SCARB1: variants seen among roughly 807,000 people sequenced by gnomAD.
The protein encoded by SCARB1 is CD36 and LIMPII analogous 1.
Under a neutral mutation model 57.2 loss-of-function variants are expected in SCARB1, and 30 were observed. The ratio of observed to expected loss-of-function variants is 0.52; its 90% CI spans 0.39 to 0.71. SCARB1 has a LOEUF of 0.71. SCARB1 is among the 30% of genes least tolerant of loss of function. The probability of loss-of-function intolerance (pLI) is 0.00; values close to 1 mark genes in which losing one functional copy is unlikely to be tolerated. For synonymous variants in SCARB1, 249 were observed against 268.3 expected (o/e 0.93, Z 0.70); for missense variants, 543 against 671.2 (o/e 0.81, Z 2.11).
At chr12:124,840,895 G>A (rs569632032) in intron 1 of SCARB1, among the ~76,000 whole-genome samples, 29 of 152,198 alleles carry the variant, frequency 1.9e-4, no homozygotes, top group Non-Finnish European at 2.6e-4. Context: ...CAGGCTGGGC[G>A]TGGTGGCTCA....
intron 1 of SCARB1, among the ~76,000 whole-genome samples, chr12:124,819,620 C>T (rs1314426112): frequency 1.3e-5 from 2 of 152,296 alleles, no homozygotes; most frequent in South Asian, 2.1e-4. Context: ...CGTCAGAGCC[C>T]GGCAGGAGTG....
Position 124,812,469 on chromosome 12 carries a change from C to T in SCARB1, c.631-504G>A, listed in dbSNP as rs1017521404. 2.0e-5 allele frequency among the ~76,000 whole-genome samples: 3 copies of T among 152,216 alleles called. No individual in the cohort carries two copies. Among genetic ancestry groups the T allele is most frequent in the Non-Finnish European group, 4.4e-5 (3 of 68,036 alleles). ...ACCACAAGCGCGGGTGCCCCAGTCA[C>T]CCACACTGGACGTGGAGTGCAAGCA... On this transcript the variant is annotated intron_variant, in intron 4 of 12. Transcript: ENST00000261693. The surrounding 1 kb of genome is among the most constrained non-coding windows in gnomAD (Gnocchi z 4.3).
At position 124,817,540 on chromosome 12, in the gene SCARB1, A is replaced by G. The variant is rs1248871939; in HGVS notation, c.284+10T>C. ...CCGGCCCCTCCACCCTCACCTGGAC[A>G]CAGCCTCACCTGTACACGTAGGGCC... is the stretch of plus-strand genomic sequence containing the variant. On this transcript the variant is annotated intron_variant, in intron 2 of 12. Coordinates refer to ENST00000261693, the MANE Select transcript of SCARB1 (RefSeq NM_005505.5). This position sits in a 1 kb window ranked among gnomAD's most constrained non-coding sequence, Gnocchi z 4.8. 2 of 1,613,324 alleles carry G rather than the reference A, an allele frequency of 1.2e-6. No individual in the cohort carries two copies. The highest frequency in any genetic ancestry group is 1.1e-5 in the South Asian group (1 of 91,078).
At position 124,817,450 on chromosome 12, in the gene SCARB1, CTG is replaced by C; in HGVS notation, c.284+98_284+99del. The C allele has an allele frequency of 8.3e-7, 1 of 1,198,112 alleles. No individual in the cohort carries two copies. The highest frequency in any genetic ancestry group is 1.2e-5 in the South Asian group (1 of 80,020). 74.2% of individuals were successfully genotyped at this position (1,198,112 alleles called of 1,614,324 possible). A position where few individuals can be genotyped will look rare whatever the true frequency, so the allele number is the denominator to read the frequency against. On this transcript the variant is annotated intron_variant, in intron 2 of 12. Transcript: ENST00000261693. The surrounding 1 kb of genome is among the most constrained non-coding windows in gnomAD (Gnocchi z 4.8). ...GACTTGCCTGCTTCCGGAACAATCT[CTG>C]GGGCTCAGTCAGCAGCCTCCCCATC... is the stretch of plus-strand genomic sequence containing the variant.
chr12:124,822,429 CACA>C lies in SCARB1; in HGVS notation c.127-4725_127-4723del, dbSNP rs1232947434. Among the ~76,000 whole-genome samples, 4 of 152,190 alleles carry C rather than the reference CACA, an allele frequency of 2.6e-5. No homozygotes were observed. Among genetic ancestry groups the C allele is most frequent in the Admixed American group, 1.3e-4 (2 of 15,270 alleles). On this transcript the variant is annotated intron_variant, in intron 1 of 12. Coordinates refer to ENST00000261693, the MANE Select transcript of SCARB1 (RefSeq NM_005505.5). This position sits in a 1 kb window ranked among gnomAD's most constrained non-coding sequence, Gnocchi z 5.0. Reference sequence around the variant, plus strand: ...AAAAAAGAAAAGAAGAATCATACTACACAACACCATTTCCGCGACATCGGGGAA... The same window carrying C: ...AAAAAAGAAAAGAAGAATCATACTACACACCATTTCCGCGACATCGGGGAA...
chr12:124,801,717 T>C (rs1405211975), intron 7 of SCARB1, among the ~76,000 whole-genome samples: 1 of 150,500 alleles, frequency 6.6e-6, no homozygotes, highest in Non-Finnish European at 1.5e-5. Flanking sequence ...GCGGCAGAGG[T>C]TGCGGAGGCT....
intron 7 of SCARB1, among the ~76,000 whole-genome samples, chr12:124,802,163 A>AAAG (rs1395123850): frequency 4.3e-4 from 65 of 152,134 alleles, no homozygotes; most frequent in African/African-American, 1.5e-3. Flanking sequence ...AAAAAAAAAA[A>AAAG]AAGACATAGT....
At position 124,831,059 on chromosome 12, in the gene SCARB1, T is replaced by C. The variant is rs186359837; in HGVS notation, c.127-13352A>G. Among the ~76,000 whole-genome samples the C allele has an allele frequency of 6.7e-3, 1,008 of 151,358 alleles. 13 individuals are homozygous for C. Among genetic ancestry groups the C allele is most frequent in the African/African-American group, 0.023 (955 of 41,098 alleles). On this transcript the variant is annotated intron_variant, in intron 1 of 12. Transcript: ENST00000261693. Reference sequence around the variant, plus strand: ...GGCGCGATCTCGGCTCACTGCAACCTCTGCCTCCCGGGTTCAAGCAATTCT... The same window carrying C: ...GGCGCGATCTCGGCTCACTGCAACCCCTGCCTCCCGGGTTCAAGCAATTCT...
intron 1 of SCARB1, among the ~76,000 whole-genome samples, chr12:124,830,865 T>C (rs1339742491): frequency 2.0e-5 from 3 of 152,052 alleles, no homozygotes; most frequent in African/African-American, 7.2e-5. Context: ...CAGGCTGGAG[T>C]GCAGTGGTGT....
chr12:124,795,239 C>T lies in SCARB1; in HGVS notation c.1158G>A (p.Val386=), dbSNP rs199829257. The T allele has an allele frequency of 7.4e-6, 12 of 1,614,034 alleles. No homozygotes were observed. The East Asian group carries it at 2.7e-4, about 36-fold the overall frequency. The change falls in exon 9 of 13, where the codon GTG becomes GTA. Residue 386 remains valine, a synonymous_variant. Coordinates refer to ENST00000261693, the MANE Select transcript of SCARB1 (RefSeq NM_005505.5). ...TCATGTAGAGGCTCAGCTGCAGTTT[C>T]ACAGAGCAGTTCATGGGGATTCCCG... ...PVTGIPMNCS[V]KLQLSLYMKS... is the part of the protein sequence containing the mutation.
intron 8 of SCARB1, among the ~76,000 whole-genome samples, 160 bp from the exon 9 acceptor site, chr12:124,795,428 G>C (rs868291153): frequency 1.3e-5 from 2 of 151,830 alleles, no homozygotes; most frequent in South Asian, 2.1e-4. Context: ...GGCTGGGGGG[G>C]GTCAACAGTT....
At chr12:124,849,978 C>A (rs1211625479) in intron 1 of SCARB1, among the ~76,000 whole-genome samples, 1 of 125,914 alleles carries the variant, frequency 7.9e-6, no homozygotes, top group Non-Finnish European at 1.8e-5. Context: ...GTAGGAGGAT[C>A]GATTGAGCCT....
intron 1 of SCARB1, among the ~76,000 whole-genome samples, chr12:124,832,156 A>G (rs1249412817): frequency 6.6e-6 from 1 of 152,248 alleles, no homozygotes. Flanking sequence ...TTAAGATGTT[A>G]ATAGCAGGGG....
chr12:124,857,395 C>T (rs1388807694), intron 1 of SCARB1, among the ~76,000 whole-genome samples: 2 of 152,208 alleles, frequency 1.3e-5, no homozygotes, highest in African/African-American at 4.8e-5. Context: ...ACAAAGATTT[C>T]CCAAAAGGCA....
At chr12:124,855,673 G>A (rs369170015) in intron 1 of SCARB1, among the ~76,000 whole-genome samples, 29 of 152,224 alleles carry the variant, frequency 1.9e-4, no homozygotes, top group African/African-American at 3.9e-4. Context: ...AGCTGCCAGC[G>A]CCTCCTGGAG....
In SCARB1 at chr12:124,817,353, T is replaced by TA. The variant is rs60063887; in HGVS notation, c.284+196dup. On this transcript the variant is annotated intron_variant, in intron 2 of 12. Transcript: ENST00000261693. The surrounding 1 kb of genome is among the most constrained non-coding windows in gnomAD (Gnocchi z 4.8). ...GGGCAACATAGCAAGATCCCATCTCTAAAAAAAAAAAAAAAAAAAAAAAAA... is the reference window on the plus strand; with the variant it reads ...GGGCAACATAGCAAGATCCCATCTCTAAAAAAAAAAAAAAAAAAAAAAAAAA... 0.063 allele frequency among the ~76,000 whole-genome samples: 4,351 copies of TA among 68,720 alleles called. 395 individuals are homozygous for TA. Among genetic ancestry groups the TA allele is most frequent in the East Asian group, 0.34 (593 of 1,766 alleles). The allele number at this position is 68,720 out of a possible 152,430, so 45.1% of individuals were successfully genotyped here.
chr12:124,780,294 C>T (rs1009791430), intron 12 of SCARB1, among the ~76,000 whole-genome samples: 2 of 152,244 alleles, frequency 1.3e-5, no homozygotes, highest in Non-Finnish European at 1.5e-5. Flanking sequence ...AGTGGACACA[C>T]AGTTTACCAA....
chr12:124,846,659 G>C (rs1233121134), intron 1 of SCARB1, among the ~76,000 whole-genome samples: 3 of 149,800 alleles, frequency 2.0e-5, no homozygotes, highest in Non-Finnish European at 3.0e-5. Flanking sequence ...TGAACCCGGG[G>C]GGCAGAAGTT....
Position 124,815,104 on chromosome 12 carries a change from G to C in SCARB1, c.295C>G (p.His99Asp), listed in dbSNP as rs199731725. 2 of 1,613,530 alleles carry C rather than the reference G, an allele frequency of 1.2e-6. No individual in the cohort carries two copies. Among genetic ancestry groups the C allele is most frequent in the Non-Finnish European group, 1.7e-6 (2 of 1,180,008 alleles). Reference sequence around the variant, plus strand: ...TTGTTGAAGGTGATGTTGCTTTTGTGCCTGAACTCCCTGTGGGGGAAGCCA... The same window carrying C: ...TTGTTGAAGGTGATGTTGCTTTTGTCCCTGAACTCCCTGTGGGGGAAGCCA... Reference protein sequence around the residue: ...RGPYVYREFRHKSNITFNNND... With the variant: ...RGPYVYREFRDKSNITFNNND... The change falls in exon 3 of 13, where the codon CAC (histidine) becomes GAC (aspartate). Residue 99 changes from histidine to aspartate, a missense_variant. His to Asp is a moderately conservative substitution (Grantham distance 81). Transcript: ENST00000261693.
Sources: gnomAD v4.1 joint callset for allele counts (sites outside exome capture counted in the v4.1 genomes callset) on GRCh38, gnomAD v4.1.1 for gene constraint, Gnocchi (gnomAD v3.1) non-coding constraint, MANE v1.5 for transcripts, NCBI Gene and HGNC (gene_info 2026-07-23, HGNC 2026-07-21) for gene names.